The following ADAMTS14 variants were observed in gnomAD, a reference collection of about 807,000 sequenced individuals.
The protein encoded by ADAMTS14 is ADAM metallopeptidase with thrombospondin type 1 motif 14.
In ADAMTS14, 100 loss-of-function variants were observed where a neutral mutation model predicts 128.6. The observed-to-expected ratio is 0.78, with a 90% CI of 0.66 to 0.92. The LOEUF (loss-of-function observed/expected upper bound fraction) is 0.92. Among genes scored for constraint, ADAMTS14 ranks in the 40% least tolerant of loss-of-function variants. ADAMTS14 has a pLI of 0.00. For synonymous variants in ADAMTS14, 665 were observed against 653.8 expected, an observed-to-expected ratio of 1.02 and a Z score of -0.26; for missense variants, 1,562 against 1,658.6, an observed-to-expected ratio of 0.94 and a Z score of 1.01.
At chr10:70,707,529 C>T (rs760075415) in intron 3 of ADAMTS14, among the ~76,000 whole-genome samples, 10 of 152,198 alleles carry the variant, frequency 6.6e-5, no homozygotes, top group Non-Finnish European at 1.3e-4. Context: ...CACTCCACCG[C>T]CCCAGCAGAG....
intron 12 of ADAMTS14, 95 bp downstream of exon 12, chr10:70,741,257 G>A (rs1456765933): frequency 4.2e-6 from 6 of 1,429,760 alleles, no homozygotes; most frequent in Non-Finnish European, 5.7e-6. Context: ...ACATACACCA[G>A]TGAAGGTGGA....
chr10:70,758,305 C>G lies in ADAMTS14; in HGVS notation c.3178+20C>G, dbSNP rs767429598. ...CATCAAGTAAGTACAGTCTATGGAC[C>G]CTACCCTGCTCCCCAGACCTTTCAG... is the stretch of plus-strand genomic sequence containing the variant. On this transcript the variant is annotated intron_variant, in intron 21 of 21. Transcript: ENST00000373207. The G allele has an allele frequency of 3.7e-6, 6 of 1,605,636 alleles. No homozygotes were observed. In the East Asian group the frequency reaches 1.3e-4, roughly 36 times the overall value.
chr10:70,734,212 A>G (rs1261729780), intron 8 of ADAMTS14, among the ~76,000 whole-genome samples, 184 bp downstream of exon 8: 1 of 152,188 alleles, frequency 6.6e-6, no homozygotes. Flanking sequence ...GGGTTAGTCT[A>G]GTGTTTCAGA....
Position 70,733,987 on chromosome 10 carries a change from T to C in ADAMTS14, c.1311T>C (p.His437=), listed in dbSNP as rs146538688. Residue 437 remains histidine (H), a synonymous_variant, in exon 8 of 22, where the codon CAT becomes CAC. Transcript: ENST00000373207. ...PLVQAAFHRF[H]WSRCSKLELS... is the part of the protein sequence containing the mutation. ...TGCAGGCTGCCTTCCACCGCTTCCA[T>C]TGGTCCCGCTGCAGCAAGCTGGAGC... The C allele has an allele frequency of 1.9e-5, 30 of 1,613,834 alleles. No homozygotes were observed. In the African/African-American group the frequency reaches 2.9e-4, roughly 16 times the overall value.
chr10:70,732,479 A>G, intron 7 of ADAMTS14, 120 bp downstream of exon 7: 1 of 896,858 alleles, frequency 1.1e-6, no homozygotes. Flanking sequence ...GAGGTGTCAG[A>G]GGAGCTGGAC....
intron 2 of ADAMTS14, among the ~76,000 whole-genome samples, chr10:70,683,326 A>G (rs1839869211): frequency 6.6e-6 from 1 of 152,240 alleles, no homozygotes; most frequent in Admixed American, 6.5e-5. Flanking sequence ...TTTCCTGGGA[A>G]ATACTGGGTA....
chr10:70,743,077 T>A (rs368293271), intron 12 of ADAMTS14, among the ~76,000 whole-genome samples: 2 of 152,206 alleles, frequency 1.3e-5, no homozygotes, highest in East Asian at 3.8e-4. Flanking sequence ...TGTGTGGACT[T>A]GAGCAAGTTC....
At chr10:70,686,109 C>T (rs532475705) in intron 2 of ADAMTS14, among the ~76,000 whole-genome samples, 3 of 152,136 alleles carry the variant, frequency 2.0e-5, no homozygotes, top group South Asian at 2.1e-4. Flanking sequence ...ATTGAAAAAC[C>T]CTGCAGTCTA....
rs1842098144 is a variant in ADAMTS14, at chr10:70,744,140, C to T, written c.2133C>T (p.Ser711=). Residue 711 remains serine (S), a synonymous_variant, in exon 14 of 22, where the codon TCC becomes TCT. Transcript: ENST00000373207. ...GTGGAGTCTGCGGGGGTGACAACTCCCACTGCAGGACTGTGAAGGGGACGC... is the reference window on the plus strand; with the variant it reads ...GTGGAGTCTGCGGGGGTGACAACTCTCACTGCAGGACTGTGAAGGGGACGC... ...DKCGVCGGDN[S]HCRTVKGTLG... 2.6e-6 allele frequency: 4 copies of T among 1,558,368 alleles called. No homozygotes were observed. The highest frequency in any genetic ancestry group is 3.5e-6 in the Non-Finnish European group (4 of 1,150,892).
chr10:70,744,368 C>T (rs1246493261), intron 14 of ADAMTS14, among the ~76,000 whole-genome samples, 179 bp downstream of exon 14: 5 of 152,198 alleles, frequency 3.3e-5, no homozygotes, highest in Non-Finnish European at 7.3e-5. Flanking sequence ...CAGCCAGTCA[C>T]CTCACCTTTC....
At chr10:70,736,888 C>T (rs1248661463) in intron 10 of ADAMTS14, 95 bp downstream of exon 10, 3 of 1,117,666 alleles carry the variant, frequency 2.7e-6, no homozygotes, top group East Asian at 5.0e-5. Flanking sequence ...CCTGACCCCT[C>T]CCTCCAAGTG....
chr10:70,702,540 C>T, intron 3 of ADAMTS14, 72 bp downstream of exon 3: 1 of 1,520,360 alleles, frequency 6.6e-7, no homozygotes, highest in African/African-American at 1.4e-5. Context: ...CACTTCTGTC[C>T]TTAAGCTGTC....
chr10:70,702,625 C>T (rs1212914643), intron 3 of ADAMTS14, among the ~76,000 whole-genome samples, 157 bp downstream of exon 3: 3 of 152,166 alleles, frequency 2.0e-5, no homozygotes, highest in Admixed American at 6.5e-5. Context: ...CAGAGAAACC[C>T]CATTGCGTTC....
intron 2 of ADAMTS14, among the ~76,000 whole-genome samples, chr10:70,694,387 C>T (rs886238468): frequency 1.2e-4 from 18 of 152,340 alleles, no homozygotes; most frequent in African/African-American, 2.2e-4. Flanking sequence ...TCACATACCA[C>T]GCAATTCGCC....
intron 8 of ADAMTS14, among the ~76,000 whole-genome samples, chr10:70,734,310 G>T (rs1841751448): frequency 6.6e-6 from 1 of 152,158 alleles, no homozygotes; most frequent in Non-Finnish European, 1.5e-5. Flanking sequence ...ATTCTGCTGG[G>T]GTTGGGTCTA....
At chr10:70,727,807 TG>T (rs1841491291) in intron 4 of ADAMTS14, among the ~76,000 whole-genome samples, 1 of 152,220 alleles carries the variant, frequency 6.6e-6, no homozygotes, top group South Asian at 2.1e-4. Flanking sequence ...TTCAAAATCT[TG>T]GCCTCGGCCG....
chr10:70,673,577 C>T (rs1839551534), intron 1 of ADAMTS14, among the ~76,000 whole-genome samples: 1 of 152,148 alleles, frequency 6.6e-6, no homozygotes, highest in African/African-American at 2.4e-5. Context: ...CAGAGTGGGT[C>T]CCCTCTTGCA....
intron 16 of ADAMTS14, 27 bp downstream of exon 16, chr10:70,750,012 C>A: frequency 6.2e-7 from 1 of 1,607,260 alleles, no homozygotes; most frequent in Non-Finnish European, 8.5e-7. Context: ...GCGGTGGCAA[C>A]CCCTGCCCAC....
At chr10:70,685,880 G>C (rs1367802327) in intron 2 of ADAMTS14, among the ~76,000 whole-genome samples, 1 of 152,142 alleles carries the variant, frequency 6.6e-6, no homozygotes, top group Non-Finnish European at 1.5e-5. Context: ...CACTATGAGG[G>C]GGAGGGCTGC....
Sources: gnomAD v4.1 joint callset for allele counts (sites outside exome capture counted in the v4.1 genomes callset) on GRCh38, gnomAD v4.1.1 for gene constraint, MANE v1.5 for transcripts, NCBI Gene and HGNC (gene_info 2026-07-23, HGNC 2026-07-21) for gene names.